Variants in ANKRA2 observed in about 807,000 individuals in gnomAD.
ANKRA2 encodes ankyrin repeat family A protein 2.
In ANKRA2, 33 loss-of-function variants were observed where a neutral mutation model predicts 37.8. The ratio of observed to expected loss-of-function variants is 0.87; its 90% confidence interval spans 0.66 to 1.17. The LOEUF is 1.17. ANKRA2 is among the 50% of genes most tolerant of loss of function. ANKRA2 has a pLI of 0.00. For missense variants in ANKRA2, 326 were observed against 373.7 expected, an observed-to-expected ratio of 0.87 and a Z score of 1.05; for synonymous variants, 126 against 132.3, an observed-to-expected ratio of 0.95 and a Z score of 0.33.
chr5:73,557,767 T>C, intron 3 of ANKRA2, 127 bp from the exon 4 acceptor site: 1 of 626,478 alleles, frequency 1.6e-6, no homozygotes, highest in South Asian at 2.4e-5. Flanking sequence ...GTTTTAAAAA[T>C]ATAACTTAAA....
chr5:73,558,511 A>C (rs1165734537), intron 3 of ANKRA2, among the ~76,000 whole-genome samples: 2 of 152,110 alleles, frequency 1.3e-5, no homozygotes, highest in Non-Finnish European at 2.9e-5. Context: ...GTCACAAATG[A>C]AAAACTGGCC....
chr5:73,552,733 C>T lies in ANKRA2; in HGVS notation c.*64G>A, dbSNP rs1283377673. ...ACTGAGGTAAAAATTTATAAGTAAA[C>T]AAAACTATCATTTATAAGGACCAAG... On this transcript the variant is annotated 3_prime_UTR_variant, in exon 9 of 9. Transcript: ENST00000296785. 3 of 1,463,426 alleles carry T rather than the reference C, an allele frequency of 2.0e-6. No homozygotes were observed. The highest frequency in any genetic ancestry group is 2.8e-6 in the Non-Finnish European group (3 of 1,060,966). The allele number at this position is 1,463,426 out of a possible 1,614,324, so 90.7% of individuals were successfully genotyped here. A position where few individuals can be genotyped will look rare whatever the true frequency, so the allele number is the denominator to read the frequency against.
In ANKRA2 at chr5:73,552,648, A is replaced by G; in HGVS notation, c.*149T>C. 1 of 640,846 alleles carries G rather than the reference A, an allele frequency of 1.6e-6. No homozygotes were observed. Among genetic ancestry groups the G allele is most frequent in the Non-Finnish European group, 2.7e-6 (1 of 367,366 alleles). 39.7% of individuals were successfully genotyped at this position (640,846 alleles called of 1,614,324 possible). On this transcript the variant is annotated 3_prime_UTR_variant, in exon 9 of 9. Coordinates refer to ENST00000296785, the MANE Select transcript of ANKRA2 (RefSeq NM_023039.5). ...AAAAAGAGTATTACATTTATTATAA[A>G]CCAGTGAATTACTCAGAGAAATATT... is the stretch of plus-strand genomic sequence containing the variant.
Position 73,552,705 on chromosome 5 carries a change from G to T in ANKRA2, c.*92C>A. The T allele has an allele frequency of 8.6e-7, 1 of 1,160,802 alleles. No individual in the cohort carries two copies. The allele number at this position is 1,160,802 out of a possible 1,614,324, so 71.9% of individuals were successfully genotyped here. A position where few individuals can be genotyped will look rare whatever the true frequency, so the allele number is the denominator to read the frequency against. ...AACCTACTAAAAACCAGTAAATATT[G>T]CAACTGAGGTAAAAATTTATAAGTA... On this transcript the variant is annotated 3_prime_UTR_variant, in exon 9 of 9. Coordinates refer to ENST00000296785, the MANE Select transcript of ANKRA2 (RefSeq NM_023039.5).
Position 73,554,913 on chromosome 5 carries a change from T to C in ANKRA2, c.686A>G (p.Asp229Gly). 6.2e-7 allele frequency: 1 copy of C among 1,613,970 alleles called. No individual in the cohort carries two copies. The highest frequency in any genetic ancestry group is 8.5e-7 in the Non-Finnish European group (1 of 1,179,868). The change falls in exon 6 of 9, where the codon GAT becomes GGT. Residue 229 changes from aspartate to glycine, a missense_variant. Physicochemically the swap from Asp to Gly is moderately conservative, Grantham distance 94 (BLOSUM62 -1). Coordinates refer to ENST00000296785, the MANE Select transcript of ANKRA2 (RefSeq NM_023039.5). ...LSLACSKGYT[D>G]IVKMLLDCGV... ...ACAATCAAGCAGCATTTTGACAATA[T>C]CTGTGTAGCCTTTACTACAGGCCAA...
intron 1 of ANKRA2, among the ~76,000 whole-genome samples, chr5:73,563,323 T>C (rs1474851339): frequency 6.6e-6 from 1 of 152,252 alleles, no homozygotes; most frequent in East Asian, 1.9e-4. Flanking sequence ...TACATTTTAG[T>C]TACTGTTTCT....
At chr5:73,561,899 G>A (rs1232008224) in intron 2 of ANKRA2, among the ~76,000 whole-genome samples, 1 of 152,186 alleles carries the variant, frequency 6.6e-6, no homozygotes, top group Non-Finnish European at 1.5e-5. Flanking sequence ...AGAGCATGAT[G>A]ACAGACTTCA....
intron 3 of ANKRA2, among the ~76,000 whole-genome samples, chr5:73,559,649 TTTA>T (rs1747491039): frequency 7.9e-6 from 1 of 126,464 alleles, no homozygotes; most frequent in Non-Finnish European, 1.8e-5. Context: ...TTAATCTCTA[TTTA>T]TTATTTATTA....
Position 73,552,543 on chromosome 5 carries a change from A to G in ANKRA2, c.*254T>C. ...ACAGCACTTGATACAAAGACTGATG[A>G]TAACTATCTGTACCATAAAAATTTA... On this transcript the variant is annotated 3_prime_UTR_variant, in exon 9 of 9. Transcript: ENST00000296785. 3.0e-6 allele frequency: 1 copy of G among 331,802 alleles called. No individual in the cohort carries two copies. Among genetic ancestry groups the G allele is most frequent in the Non-Finnish European group, 5.4e-6 (1 of 186,118 alleles). The allele number at this position is 331,802 out of a possible 1,614,324, so 20.6% of individuals were successfully genotyped here. A position where few individuals can be genotyped will look rare whatever the true frequency, so the allele number is the denominator to read the frequency against.
intron 1 of ANKRA2, among the ~76,000 whole-genome samples, chr5:73,563,567 T>A (rs770545059): frequency 1.3e-5 from 2 of 152,238 alleles, no homozygotes; most frequent in East Asian, 1.9e-4. Context: ...TTGGTTTTGA[T>A]GAACTGAAGG....
At chr5:73,556,807 A>T (rs373014143) in intron 4 of ANKRA2, among the ~76,000 whole-genome samples, 7 of 151,982 alleles carry the variant, frequency 4.6e-5, no homozygotes, top group East Asian at 3.8e-4. Context: ...CCAGTAGACC[A>T]TAACTTAAAA....
At chr5:73,554,187 T>G in intron 7 of ANKRA2, 135 bp downstream of exon 7, 1 of 807,108 alleles carries the variant, frequency 1.2e-6, no homozygotes, top group African/African-American at 1.8e-5. Context: ...TGGCAGGTGC[T>G]CTAAGGGTGA....
intron 3 of ANKRA2, among the ~76,000 whole-genome samples, chr5:73,559,662 AACTC>A (rs10604282): frequency 0.38 from 56,997 of 151,780 alleles, 12,122 homozygotes; most frequent in East Asian, 0.65. Flanking sequence ...ATTATTTATT[AACTC>A]ACTATTTTTA....
At chr5:73,564,076 G>C (rs1396571433) in intron 1 of ANKRA2, among the ~76,000 whole-genome samples, 1 of 147,208 alleles carries the variant, frequency 6.8e-6, no homozygotes, top group Admixed American at 6.9e-5. Context: ...AAATCTCCAC[G>C]AGAGAGTTGA....
At chr5:73,555,130 G>T in intron 5 of ANKRA2, 144 bp from the exon 6 acceptor site, 1 of 1,437,634 alleles carries the variant, frequency 7.0e-7, no homozygotes, top group Non-Finnish European at 9.1e-7. Flanking sequence ...TTTACTCATG[G>T]ATGCTTTTAT....
Position 73,565,369 on chromosome 5 carries a change from TCCC to T in ANKRA2, c.-345_-343del. 2 of 156,486 alleles carry T rather than the reference TCCC, an allele frequency of 1.3e-5. No individual in the cohort carries two copies. The highest frequency in any genetic ancestry group is 3.2e-4 in the South Asian group (2 of 6,292). The allele number at this position is 156,486 out of a possible 1,614,324, so 9.7% of individuals were successfully genotyped here. On this transcript the variant is annotated 5_prime_UTR_variant, in exon 1 of 9. The change abolishes an upstream ATG in the 5' untranslated region. Coordinates refer to ENST00000296785, the MANE Select transcript of ANKRA2 (RefSeq NM_023039.5). ...CGACAGCAGACAGCGAGTCGGGCCT[TCCC>T]ATCTGAGGCCAGCTTCAGTACAGGC... is the stretch of plus-strand genomic sequence containing the variant.
chr5:73,554,022 G>A (rs1026192312), intron 7 of ANKRA2, among the ~76,000 whole-genome samples: 2 of 151,962 alleles, frequency 1.3e-5, no homozygotes, highest in East Asian at 3.9e-4. Context: ...CACCCACCTC[G>A]GCCTCCCAAA....
In ANKRA2 at chr5:73,562,940, T is replaced by C; in HGVS notation, c.-59A>G. On this transcript the variant is annotated 5_prime_UTR_variant, in exon 2 of 9. Transcript: ENST00000296785. ...TCTTCATGATTTCCTCTTGGTTTTG[T>C]AAGAGCAGTATCCAGTGTGTTCTTG... 6.8e-7 allele frequency: 1 copy of C among 1,462,468 alleles called. No homozygotes were observed. Among genetic ancestry groups the C allele is most frequent in the South Asian group, 1.3e-5 (1 of 74,310 alleles). 90.6% of individuals were successfully genotyped at this position (1,462,468 alleles called of 1,614,324 possible). A position where few individuals can be genotyped will look rare whatever the true frequency, so the allele number is the denominator to read the frequency against.
rs1435422539 is a variant in ANKRA2, at chr5:73,552,661, T to C, written c.*136A>G. The C allele has an allele frequency of 2.8e-6, 2 of 704,310 alleles. No homozygotes were observed. Among genetic ancestry groups the C allele is most frequent in the African/African-American group, 1.8e-5 (1 of 54,290 alleles). The allele number at this position is 704,310 out of a possible 1,614,324, so 43.6% of individuals were successfully genotyped here. On this transcript the variant is annotated 3_prime_UTR_variant, in exon 9 of 9. Transcript: ENST00000296785. ...CATTTATTATAAACCAGTGAATTAC[T>C]CAGAGAAATATTTATTAAAACCTAC...
Sources: gnomAD v4.1 joint callset for allele counts (sites outside exome capture counted in the v4.1 genomes callset) on GRCh38, gnomAD v4.1.1 for gene constraint, MANE v1.5 for transcripts, NCBI Gene and HGNC (gene_info 2026-07-23, HGNC 2026-07-21) for gene names.